SORCS2: variants seen among roughly 807,000 people sequenced by gnomAD.
SORCS2 encodes VPS10 domain-containing receptor SorCS2.
A neutral mutation model predicts 141.6 loss-of-function variants in SORCS2; 100 were observed. The observed-to-expected ratio is 0.71, with a 90% CI of 0.60 to 0.83. SORCS2 has a LOEUF of 0.83. Ranked by LOEUF, SORCS2 falls within the 40% of genes least tolerant of loss-of-function variation. The probability of loss-of-function intolerance (pLI) is 0.00; values close to 1 mark genes in which losing one functional copy is unlikely to be tolerated. For missense variants in SORCS2, 1,646 were observed against 1,560.2 expected (o/e 1.05, Z -0.93); for synonymous variants, 789 against 676.9 (o/e 1.17, Z -2.57).
intron 3 of SORCS2, among the ~76,000 whole-genome samples, chr4:7,536,749 T>G (rs1447887068): frequency 6.6e-6 from 1 of 152,080 alleles, no homozygotes; most frequent in Non-Finnish European, 1.5e-5. Flanking sequence ...TTGGAGTTTC[T>G]TGATCCCTTC....
intron 13 of SORCS2, among the ~76,000 whole-genome samples, chr4:7,703,669 G>C (rs911479057): frequency 6.6e-6 from 1 of 152,194 alleles, no homozygotes; most frequent in Non-Finnish European, 1.5e-5. Flanking sequence ...AAAGTGCAGG[G>C]ATTGGGACCA....
At chr4:7,253,799 A>G (rs116558126) in intron 1 of SORCS2, among the ~76,000 whole-genome samples, 2,459 of 152,288 alleles carry the variant, frequency 0.016, 25 homozygotes, top group Middle Eastern at 0.054. Flanking sequence ...CACTGAATCC[A>G]CCTCCTGAAG....
intron 3 of SORCS2, among the ~76,000 whole-genome samples, chr4:7,633,521 G>A (rs540411601): frequency 7.2e-5 from 11 of 152,236 alleles, no homozygotes; most frequent in African/African-American, 1.9e-4. Context: ...GTGCTCCAGC[G>A]GAGCCCTGTG....
intron 1 of SORCS2, among the ~76,000 whole-genome samples, chr4:7,258,403 T>A (rs768065726): frequency 6.6e-6 from 1 of 152,206 alleles, no homozygotes; most frequent in African/African-American, 2.4e-5. Flanking sequence ...GGTGTTTGGT[T>A]TTCTGATCTT....
intron 14 of SORCS2, among the ~76,000 whole-genome samples, chr4:7,710,531 C>T (rs1311707512): frequency 6.6e-6 from 1 of 152,208 alleles, no homozygotes; most frequent in Non-Finnish European, 1.5e-5. Context: ...TGAGAGAAGA[C>T]CCTCAGATGC....
In SORCS2 at chr4:7,205,905, G is replaced by C. The variant is rs1007060030; in HGVS notation, c.480+12779G>C. Reference sequence around the variant, plus strand: ...CTAAAAATACAAAGAAATTAGCTGGGCATGGTGGCAGACGCCTATAATCCC... The same window carrying C: ...CTAAAAATACAAAGAAATTAGCTGGCCATGGTGGCAGACGCCTATAATCCC... On this transcript the variant is annotated intron_variant, in intron 1 of 26. Coordinates refer to ENST00000507866, the MANE Select transcript of SORCS2 (RefSeq NM_020777.3). Among the ~76,000 whole-genome samples, 2 of 152,136 alleles carry C rather than the reference G, an allele frequency of 1.3e-5. 1 individual carries two copies. Among genetic ancestry groups the C allele is most frequent in the Admixed American group, 1.3e-4 (2 of 15,260 alleles).
chr4:7,672,385 A>G (rs1722853312), intron 8 of SORCS2, among the ~76,000 whole-genome samples: 1 of 152,252 alleles, frequency 6.6e-6, no homozygotes. Flanking sequence ...TGATACATTC[A>G]AAGCGCTGAA....
At chr4:7,294,222 G>A (rs572727057) in intron 1 of SORCS2, among the ~76,000 whole-genome samples, 28 of 152,180 alleles carry the variant, frequency 1.8e-4, no homozygotes, top group Non-Finnish European at 2.5e-4. Context: ...GTGCCGGGGC[G>A]TAGGGGAGAG....
At chr4:7,694,549 A>AG (rs1238702015) in intron 11 of SORCS2, among the ~76,000 whole-genome samples, 1 of 152,098 alleles carries the variant, frequency 6.6e-6, no homozygotes, top group Non-Finnish European at 1.5e-5. Context: ...TGGCCCGCGC[A>AG]GTGTGCTGAC....
At chr4:7,457,794 ATGGCCTC>A (rs946709331) in intron 2 of SORCS2, among the ~76,000 whole-genome samples, 2 of 152,204 alleles carry the variant, frequency 1.3e-5, no homozygotes, top group Admixed American at 6.5e-5. Context: ...GCTCTGCTTC[ATGGCCTC>A]TGGGGAAGAG....
intron 1 of SORCS2, among the ~76,000 whole-genome samples, chr4:7,337,147 A>C (rs555011186): frequency 6.6e-6 from 1 of 152,214 alleles, no homozygotes; most frequent in South Asian, 2.1e-4. Flanking sequence ...TTTAGTCTAG[A>C]ATTGCAGAAG....
At chr4:7,504,622 T>C (rs1183648605) in intron 2 of SORCS2, among the ~76,000 whole-genome samples, 1 of 152,208 alleles carries the variant, frequency 6.6e-6, no homozygotes, top group Non-Finnish European at 1.5e-5. Context: ...CCCAGCCATG[T>C]GGCCTGGGTG....
chr4:7,729,111 G>A (rs1727426911), intron 22 of SORCS2, among the ~76,000 whole-genome samples: 1 of 152,214 alleles, frequency 6.6e-6, no homozygotes, highest in African/African-American at 2.4e-5. Context: ...GCACCTACAT[G>A]AGCAGTGCCT....
intron 1 of SORCS2, among the ~76,000 whole-genome samples, chr4:7,373,006 GT>G (rs56090778): frequency 1.1e-3 from 152 of 138,148 alleles, no homozygotes; most frequent in African/African-American, 1.6e-3. Context: ...GGTGGTTTCT[GT>G]TTTTTTTTTT....
At chr4:7,738,959 C>T (rs1168930426) in intron 26 of SORCS2, among the ~76,000 whole-genome samples, 1 of 152,142 alleles carries the variant, frequency 6.6e-6, no homozygotes, top group Non-Finnish European at 1.5e-5. Flanking sequence ...AGGTGTGTTC[C>T]TCATGGCGTG....
intron 3 of SORCS2, among the ~76,000 whole-genome samples, chr4:7,561,187 T>A (rs1281325780): frequency 6.6e-6 from 1 of 152,214 alleles, no homozygotes; most frequent in South Asian, 2.1e-4. Flanking sequence ...TTCGTGGCCC[T>A]TTATTCAAAC....
chr4:7,464,038 A>T (rs542582766), intron 2 of SORCS2, among the ~76,000 whole-genome samples: 28 of 152,306 alleles, frequency 1.8e-4, no homozygotes, highest in African/African-American at 5.1e-4. Context: ...TCATTAACTC[A>T]TTCAGTCAGG....
Position 7,436,769 on chromosome 4 carries a change from C to T in SORCS2, c.548+40414C>T, listed in dbSNP as rs143812554. On this transcript the variant is annotated intron_variant, in intron 2 of 26. Transcript: ENST00000507866. ...TTTGTCTACTCGACCCTTGATGGGC[C>T]TTTGGAACAATTCCACTTGGGAGCC... is the stretch of plus-strand genomic sequence containing the variant. Among the ~76,000 whole-genome samples the T allele has an allele frequency of 2.2e-3, 331 of 152,320 alleles. 1 individual carries two copies. The highest frequency in any genetic ancestry group is 7.6e-3 in the African/African-American group (316 of 41,558).
intron 3 of SORCS2, among the ~76,000 whole-genome samples, chr4:7,567,911 G>T (rs1048184525): frequency 6.6e-6 from 1 of 152,106 alleles, no homozygotes; most frequent in African/African-American, 2.4e-5. Flanking sequence ...AGCCATTCCA[G>T]CTTTGGTCAT....
Sources: allele counts gnomAD v4.1 joint callset (sites outside exome capture counted in the v4.1 genomes callset), GRCh38; gene constraint gnomAD v4.1.1; transcripts MANE v1.5; gene names NCBI Gene and HGNC (gene_info 2026-07-23, HGNC 2026-07-21).